The following IRAK4 variants were observed in gnomAD, a reference collection of about 807,000 sequenced individuals.
The protein encoded by IRAK4 is interleukin-1 receptor-associated kinase 4.
Under a neutral mutation model 51.8 loss-of-function variants are expected in IRAK4, and 44 were observed. The observed-to-expected ratio is 0.85, with a 90% CI of 0.67 to 1.09. IRAK4 has a LOEUF of 1.09. Among genes scored for constraint, IRAK4 ranks in the 50% least tolerant of loss-of-function variants. The probability of loss-of-function intolerance (pLI) is 0.00; values close to 1 mark genes in which losing one functional copy is unlikely to be tolerated. For missense variants in IRAK4, 487 were observed against 538.0 expected (o/e 0.91, Z 0.94); for synonymous variants, 149 against 174.1 (o/e 0.86, Z 1.13).
At chr12:43,784,493 A>C (rs905507139) in intron 10 of IRAK4, among the ~76,000 whole-genome samples, 1 of 152,188 alleles carries the variant, frequency 6.6e-6, no homozygotes, top group Admixed American at 6.5e-5. Flanking sequence ...ACTGCCTTCA[A>C]GTTGGAGTTC....
At chr12:43,773,555 A>G (rs1420705659) in intron 5 of IRAK4, among the ~76,000 whole-genome samples, 2 of 152,168 alleles carry the variant, frequency 1.3e-5, no homozygotes, top group Admixed American at 6.5e-5. Context: ...ATCTTTTGTT[A>G]GAGCCTAAAA....
chr12:43,778,608 C>T (rs1409909238), intron 8 of IRAK4, among the ~76,000 whole-genome samples: 4 of 152,064 alleles, frequency 2.6e-5, no homozygotes, highest in Non-Finnish European at 5.9e-5. Context: ...CTATTCTTTT[C>T]TGAATCACCT....
chr12:43,773,108 G>C (rs1485124501), intron 5 of IRAK4, 36 bp downstream of exon 5: 2 of 1,575,146 alleles, frequency 1.3e-6, no homozygotes, highest in Non-Finnish European at 8.7e-7. Context: ...AGAAAGAGTT[G>C]CTTCATAGTG....
At chr12:43,764,143 G>T (rs973611798) in intron 1 of IRAK4, among the ~76,000 whole-genome samples, 5 of 152,134 alleles carry the variant, frequency 3.3e-5, no homozygotes, top group Non-Finnish European at 7.4e-5. Context: ...GTAAACTTTG[G>T]CTCAGCACTA....
chr12:43,768,256 A>C lies in IRAK4; in HGVS notation c.145A>C (p.Asn49His). 1 of 1,610,866 alleles carries C rather than the reference A, an allele frequency of 6.2e-7. No individual in the cohort carries two copies. Among genetic ancestry groups the C allele is most frequent in the South Asian group, 1.1e-5 (1 of 90,770 alleles). ...AAAACCATCTGGTGATGATAGATAC[A>C]ATCAGTTTCACATAAGGTAACAGAT... is the stretch of plus-strand genomic sequence containing the variant. The part of the protein sequence containing the change: ...IKKPSGDDRY[N>H]QFHIRRFEAL... The change falls in exon 2 of 12, where the codon AAT (asparagine) becomes CAT (histidine). Residue 49 changes from asparagine (N) to histidine (H), a missense_variant. Asn to His is a moderately conservative substitution (Grantham distance 68). Coordinates refer to ENST00000613694, the MANE Select transcript of IRAK4 (RefSeq NM_016123.4).
intron 8 of IRAK4, among the ~76,000 whole-genome samples, chr12:43,778,828 AG>A (rs1941529304): frequency 6.6e-6 from 1 of 152,044 alleles, no homozygotes; most frequent in Non-Finnish European, 1.5e-5. Flanking sequence ...AATATAAAGA[AG>A]GGTTTCCAAG....
intron 1 of IRAK4, among the ~76,000 whole-genome samples, chr12:43,766,256 CTCTT>C (rs1370039788): frequency 6.6e-6 from 1 of 152,178 alleles, no homozygotes; most frequent in African/African-American, 2.4e-5. Flanking sequence ...CCATAGCAAG[CTCTT>C]TGCCTGAGAC....
intron 1 of IRAK4, among the ~76,000 whole-genome samples, chr12:43,764,401 A>C (rs1427820704): frequency 1.3e-5 from 2 of 152,198 alleles, no homozygotes; most frequent in Non-Finnish European, 2.9e-5. Flanking sequence ...TACAGCCTGG[A>C]TGATAGAGCA....
chr12:43,785,616 AT>A (rs1169730912), intron 10 of IRAK4, among the ~76,000 whole-genome samples: 1 of 145,004 alleles, frequency 6.9e-6, no homozygotes, highest in Non-Finnish European at 1.5e-5. Flanking sequence ...TTGTATATAT[AT>A]ATGTGTGTAT....
At chr12:43,785,038 T>C (rs747432402) in intron 10 of IRAK4, among the ~76,000 whole-genome samples, 3 of 152,160 alleles carry the variant, frequency 2.0e-5, no homozygotes, top group Non-Finnish European at 4.4e-5. Context: ...CTCATAGTTC[T>C]GGAGGCCAGA....
At chr12:43,765,213 T>C (rs1211831950) in intron 1 of IRAK4, among the ~76,000 whole-genome samples, 3 of 152,228 alleles carry the variant, frequency 2.0e-5, no homozygotes, top group African/African-American at 7.2e-5. Context: ...CAGTCAGAAT[T>C]GTATAGGCTG....
chr12:43,773,920 ACCTT>A, intron 5 of IRAK4, 41 bp from the exon 6 acceptor site: 1 of 1,246,802 alleles, frequency 8.0e-7, no homozygotes, highest in Non-Finnish European at 1.2e-6. Flanking sequence ...AGCATTAGGA[ACCTT>A]AGAATTGTGT....
intron 8 of IRAK4, among the ~76,000 whole-genome samples, chr12:43,781,133 C>T (rs1941742285): frequency 6.6e-6 from 1 of 152,216 alleles, no homozygotes; most frequent in Non-Finnish European, 1.5e-5. Flanking sequence ...TCAAACTGAA[C>T]ACGTTCTCAT....
chr12:43,778,565 T>C (rs1189714262), intron 8 of IRAK4, among the ~76,000 whole-genome samples: 1 of 152,196 alleles, frequency 6.6e-6, no homozygotes. Context: ...TTTTGCCTTA[T>C]GGAAATTAGT....
chr12:43,768,971 C>G (rs1940462097), intron 2 of IRAK4, among the ~76,000 whole-genome samples: 1 of 152,150 alleles, frequency 6.6e-6, no homozygotes, highest in African/African-American at 2.4e-5. Flanking sequence ...AAAGACTTGG[C>G]TCCCTTGCAG....
At chr12:43,772,857 T>C (rs1456259165) in intron 4 of IRAK4, 55 bp from the exon 5 acceptor site, 3 of 1,280,578 alleles carry the variant, frequency 2.3e-6, no homozygotes, top group Non-Finnish European at 1.1e-6. Context: ...GAAAATATTA[T>C]AATTATTAAA....
rs536101269 is a variant in IRAK4, at chr12:43,778,261, T to C, written c.900T>C (p.Asn300=). The C allele has an allele frequency of 2.5e-6, 4 of 1,610,600 alleles. No individual in the cohort carries two copies. In the African/African-American group the frequency reaches 5.3e-5, roughly 21 times the overall value. Residue 300 remains asparagine (N), a synonymous_variant, in exon 8 of 12, where the codon AAT becomes AAC. Coordinates refer to ENST00000613694, the MANE Select transcript of IRAK4 (RefSeq NM_016123.4). ...CTCAGGGTGCAGCTAATGGCATCAA[T>C]TTTCTACATGAAAATCATCATATTC... ...KIAQGAANGI[N]FLHENHHIHR...
chr12:43,780,902 G>C (rs1257366829), intron 8 of IRAK4, among the ~76,000 whole-genome samples: 2 of 152,114 alleles, frequency 1.3e-5, no homozygotes, highest in Non-Finnish European at 2.9e-5. Context: ...GTGATATTAT[G>C]TTAATTTTAA....
chr12:43,777,526 TA>T (rs1941391627), intron 6 of IRAK4, 103 bp from the exon 7 acceptor site: 6 of 969,292 alleles, frequency 6.2e-6, no homozygotes, highest in South Asian at 2.0e-5. Context: ...TATAACATAC[TA>T]TTTTTTTGCT....
Sources: allele counts gnomAD v4.1 joint callset (sites outside exome capture counted in the v4.1 genomes callset), GRCh38; gene constraint gnomAD v4.1.1; transcripts MANE v1.5; gene names NCBI Gene and HGNC (gene_info 2026-07-23, HGNC 2026-07-21).